The following LHX4 variants were observed in gnomAD, a reference collection of about 807,000 sequenced individuals.
LHX4 encodes LIM homeobox 4.
LHX4 carries 16 observed loss-of-function variants against 39.2 expected under a neutral mutation model. The observed-to-expected ratio is 0.41, with a 90% confidence interval of 0.28 to 0.62. LHX4 has a LOEUF of 0.62. Among genes scored for constraint, LHX4 ranks in the 20% least tolerant of loss-of-function variants. The pLI, the probability that LHX4 is intolerant of heterozygous loss-of-function variation, is 0.33. For synonymous variants in LHX4, 206 were observed against 198.1 expected, an observed-to-expected ratio of 1.04 and a Z score of -0.33; for missense variants, 439 against 511.9, an observed-to-expected ratio of 0.86 and a Z score of 1.37.
At chr1:180,259,104 G>A (rs541072442) in intron 2 of LHX4, among the ~76,000 whole-genome samples, 40 of 152,176 alleles carry the variant, frequency 2.6e-4, no homozygotes, top group African/African-American at 9.6e-4. Context: ...GAGCGGGGTG[G>A]GCAGAGAAGA....
In LHX4 at chr1:180,266,537, C is replaced by G; in HGVS notation, c.394C>G (p.Leu132Val). The change falls in exon 3 of 6, where the codon CTC becomes GTC. Residue 132 changes from leucine to valine, a missense_variant. Coordinates refer to ENST00000263726, the MANE Select transcript of LHX4 (RefSeq NM_033343.4). The surrounding 1 kb of genome is among the most constrained non-coding windows in gnomAD (Gnocchi z 5.7). ...GCTGGCCACGGGGGACGAATTCTAC[C>G]TCATGGAGGACGGGCGGCTGGTGTG... Reference protein sequence around the residue: ...RQLATGDEFYLMEDGRLVCKE... With the variant: ...RQLATGDEFYVMEDGRLVCKE... The G allele has an allele frequency of 1.2e-6, 2 of 1,614,190 alleles. No individual in the cohort carries two copies. The highest frequency in any genetic ancestry group is 1.7e-6 in the Non-Finnish European group (2 of 1,180,014).
chr1:180,235,301 C>G (rs759477658), intron 1 of LHX4, among the ~76,000 whole-genome samples: 1 of 152,248 alleles, frequency 6.6e-6, no homozygotes, highest in Non-Finnish European at 1.5e-5. Flanking sequence ...TGGAATTAGC[C>G]AGGCCTGGGA....
At position 180,257,082 on chromosome 1, in the gene LHX4, T is replaced by A. The variant is rs182886766; in HGVS notation, c.248+8626T>A. Among the ~76,000 whole-genome samples the A allele has an allele frequency of 5.4e-4, 83 of 152,360 alleles. No individual in the cohort carries two copies. In the South Asian group the frequency reaches 6.2e-3, roughly 11 times the overall value. On this transcript the variant is annotated intron_variant, in intron 2 of 5. Coordinates refer to ENST00000263726, the MANE Select transcript of LHX4 (RefSeq NM_033343.4). The stretch of plus-strand genomic sequence containing the variant: ...AGGGATTCAGGTCCTGCACGTCCCG[T>A]TGCCTCTTCAAGGAAATCTGCCCCC...
At chr1:180,229,175 G>A (rs977131026), upstream of LHX4, among the ~76,000 whole-genome samples, 4 of 152,228 alleles carry the variant, frequency 2.6e-5, no homozygotes, top group South Asian at 2.1e-4. Flanking sequence ...AAGCCCTTTC[G>A]CTGGTTAACC....
upstream of LHX4, among the ~76,000 whole-genome samples, chr1:180,228,979 G>A (rs1664089100): frequency 6.6e-6 from 1 of 152,198 alleles, no homozygotes; most frequent in Non-Finnish European, 1.5e-5. Flanking sequence ...TGGGTCTTGG[G>A]GCAGACGGGG....
rs534843038 is a variant in LHX4, at chr1:180,266,717, C to T, written c.451+123C>T. Reference sequence around the variant, plus strand: ...CCCTCAGAGCCCTACTCATGCACCGCCACCTCTGAGAAGCGTCCCAGATCT... The same window carrying T: ...CCCTCAGAGCCCTACTCATGCACCGTCACCTCTGAGAAGCGTCCCAGATCT... On this transcript the variant is annotated intron_variant, in intron 3 of 5. Transcript: ENST00000263726. The surrounding 1 kb of genome is among the most constrained non-coding windows in gnomAD (Gnocchi z 5.7). 1 of 945,952 alleles carries T rather than the reference C, an allele frequency of 1.1e-6. No homozygotes were observed. Among genetic ancestry groups the T allele is most frequent in the South Asian group, 1.4e-5 (1 of 71,564 alleles). 58.6% of individuals were successfully genotyped at this position (945,952 alleles called of 1,614,324 possible).
At chr1:180,272,971 T>C (rs911928053) in intron 5 of LHX4, 1 of 152,278 alleles carries the variant, frequency 6.6e-6, no homozygotes, top group Non-Finnish European at 1.5e-5. Context: ...ATGACAGGTA[T>C]AGGGAAAAGG....
At chr1:180,248,724 C>T in intron 2 of LHX4, 1 of 512,158 alleles carries the variant, frequency 2.0e-6, no homozygotes, top group Non-Finnish European at 3.6e-6. Flanking sequence ...TAGATTTCTC[C>T]AGGGTGGTTG....
chr1:180,244,890 G>A (rs976826607), intron 1 of LHX4, among the ~76,000 whole-genome samples: 3 of 148,078 alleles, frequency 2.0e-5, no homozygotes, highest in Non-Finnish European at 4.5e-5. Flanking sequence ...GGGCAGAGGT[G>A]CGGCTGTGCC....
chr1:180,233,209 C>T (rs544501435), intron 1 of LHX4, among the ~76,000 whole-genome samples: 1 of 152,338 alleles, frequency 6.6e-6, no homozygotes, highest in South Asian at 2.1e-4. Flanking sequence ...AATAATTTCT[C>T]TCTCATCTCT....
upstream of LHX4, chr1:180,230,241 G>C: frequency 2.1e-6 from 1 of 481,102 alleles, no homozygotes; most frequent in Non-Finnish European, 3.7e-6. This position sits in a 1 kb window ranked among gnomAD's most constrained non-coding sequence, Gnocchi z 5.8. Context: ...GGAGCGGGCG[G>C]GGGAGGGAAG....
At position 180,274,764 on chromosome 1, in the gene LHX4, C is replaced by A; in HGVS notation, c.*185C>A. 1.5e-6 allele frequency: 1 copy of A among 677,568 alleles called. No homozygotes were observed. The highest frequency in any genetic ancestry group is 2.1e-5 in the South Asian group (1 of 47,502). 42.0% of individuals were successfully genotyped at this position (677,568 alleles called of 1,614,324 possible). Reference sequence around the variant, plus strand: ...CTAGGGCATTGTTTCCCTGGGGAAGCAGTGGGAGAGCAGACTCATCTCAGA... The same window carrying A: ...CTAGGGCATTGTTTCCCTGGGGAAGAAGTGGGAGAGCAGACTCATCTCAGA... On this transcript the variant is annotated 3_prime_UTR_variant, in exon 6 of 6. Coordinates refer to ENST00000263726, the MANE Select transcript of LHX4 (RefSeq NM_033343.4).
rs357053 is a variant in LHX4 at position 180,261,737 on chromosome 1, G to T, written c.249-4655G>T. On this transcript the variant is annotated intron_variant, in intron 2 of 5. Coordinates refer to ENST00000263726, the MANE Select transcript of LHX4 (RefSeq NM_033343.4). The stretch of plus-strand genomic sequence containing the variant: ...TACCTCAGGCAGAGATTTGGGGTGA[G>T]ATAGTAGGTCAGTTGATGTTCTGCA... Among the ~76,000 whole-genome samples the T allele has an allele frequency of 4.4e-3, 671 of 152,278 alleles. 5 individuals are homozygous for T. Among genetic ancestry groups the T allele is most frequent in the African/African-American group, 0.015 (632 of 41,558 alleles).
chr1:180,229,972 G>GCGGGGGGGGC (rs1558204981), upstream of LHX4, among the ~76,000 whole-genome samples: 3 of 143,516 alleles, frequency 2.1e-5, no homozygotes, highest in African/African-American at 5.2e-5. Context: ...GGAGGGGGGG[G>GCGGGGGGGGC]GGGTGCCGGC....
At chr1:180,273,549 C>T (rs1648821124) in intron 5 of LHX4, 1 of 152,488 alleles carries the variant, frequency 6.6e-6, no homozygotes, top group East Asian at 1.9e-4. Context: ...GGCAAAGATT[C>T]CATTAGATCC....
rs1558224549 is a variant in LHX4, at chr1:180,271,805, CT to C, written c.607-29del. Reference sequence around the variant, plus strand: ...GCTTTGGGTTTGTGGTGGACGCCCCCTGAGTATGTCCCTTGTGCTTGTGTGG... The same window carrying C: ...GCTTTGGGTTTGTGGTGGACGCCCCCGAGTATGTCCCTTGTGCTTGTGTGG... On this transcript the variant is annotated intron_variant, in intron 4 of 5. Transcript: ENST00000263726. 2.5e-6 allele frequency: 4 copies of C among 1,613,354 alleles called. No homozygotes were observed. The South Asian group carries it at 3.3e-5, about 13-fold the overall frequency.
intron 2 of LHX4, among the ~76,000 whole-genome samples, chr1:180,262,748 G>A (rs1648159700): frequency 1.3e-5 from 2 of 151,288 alleles, no homozygotes. Flanking sequence ...TGACTACTCA[G>A]GCAAATGTTT....
chr1:180,263,915 G>A (rs1268424478), intron 2 of LHX4, among the ~76,000 whole-genome samples: 1 of 152,054 alleles, frequency 6.6e-6, no homozygotes, highest in Non-Finnish European at 1.5e-5. Flanking sequence ...CCAGATTTGC[G>A]TGGTTTGTTG....
upstream of LHX4, among the ~76,000 whole-genome samples, chr1:180,228,916 A>G (rs1249572744): frequency 6.6e-6 from 1 of 152,116 alleles, no homozygotes; most frequent in African/African-American, 2.4e-5. Context: ...AAGGACACGT[A>G]TGTCTGCATT....
Sources: gnomAD v4.1 joint callset for allele counts (sites outside exome capture counted in the v4.1 genomes callset) on GRCh38, gnomAD v4.1.1 for gene constraint, Gnocchi (gnomAD v3.1) non-coding constraint, MANE v1.5 for transcripts, NCBI Gene and HGNC (gene_info 2026-07-23, HGNC 2026-07-21) for gene names.